Variants in PRR13 observed in about 807,000 individuals in gnomAD.
The protein encoded by PRR13 is proline rich 13.
PRR13 carries 7 observed loss-of-function variants against 11.5 expected under a neutral mutation model. The observed-to-expected ratio is 0.61, with a 90% CI of 0.34 to 1.14. The LOEUF is 1.14. Ranked by LOEUF, PRR13 falls within the 50% of genes most tolerant of loss-of-function variation. The probability of loss-of-function intolerance (pLI) is 0.03; values close to 1 mark genes in which losing one functional copy is unlikely to be tolerated. For missense variants in PRR13, 155 were observed against 194.4 expected, an observed-to-expected ratio of 0.80 and a Z score of 1.21; for synonymous variants, 53 against 67.8, an observed-to-expected ratio of 0.78 and a Z score of 1.07.
At position 53,441,784 on chromosome 12, in the gene PRR13, G is replaced by T. The variant is rs1940296786; in HGVS notation, c.-29G>T. 4 of 702,278 alleles carry T rather than the reference G, an allele frequency of 5.7e-6. No homozygotes were observed. Among genetic ancestry groups the T allele is most frequent in the South Asian group, 3.0e-5 (2 of 67,588 alleles). The allele number at this position is 702,278 out of a possible 1,614,324, so 43.5% of individuals were successfully genotyped here. ...GGAGAACGCAGCAAGCCCAGGCGGC[G>T]GTGGAAAGGTGATGGGGTATCTGGA... On this transcript the variant is annotated 5_prime_UTR_variant, in exon 1 of 4. Coordinates refer to ENST00000429243, the MANE Select transcript of PRR13 (RefSeq NM_018457.4).
chr12:53,445,939 GAA>G lies in PRR13; in HGVS notation c.403-75_403-74del, dbSNP rs1479035806. ...TTGGGTGGAGGGGTGGGGCACCAAAGAATGGCCCACGGAGTGATGAAAGGTCA... is the reference window on the plus strand; with the variant it reads ...TTGGGTGGAGGGGTGGGGCACCAAAGTGGCCCACGGAGTGATGAAAGGTCA... On this transcript the variant is annotated intron_variant, in intron 3 of 3. Coordinates refer to ENST00000429243, the MANE Select transcript of PRR13 (RefSeq NM_018457.4). 2.5e-6 allele frequency: 4 copies of G among 1,610,890 alleles called. No individual in the cohort carries two copies. The African/African-American group carries it at 5.3e-5, about 22-fold the overall frequency.
At chr12:53,442,816 A>C (rs1592616949) in intron 2 of PRR13, 83 bp downstream of exon 2, 1 of 1,444,088 alleles carries the variant, frequency 6.9e-7, no homozygotes, top group Non-Finnish European at 9.7e-7. Flanking sequence ...CAGCTCCCCT[A>C]CCCCCGACCT....
rs2293063 is a variant in PRR13, at chr12:53,446,593, T to C, written c.*534T>C. On this transcript the variant is annotated 3_prime_UTR_variant, in exon 4 of 4. Coordinates refer to ENST00000429243, the MANE Select transcript of PRR13 (RefSeq NM_018457.4). Reference sequence around the variant, plus strand: ...CTTACCTCTCCTCCTTAGCCCAATATGCTGTCTTGGGTCCTATTCAAATAA... The same window carrying C: ...CTTACCTCTCCTCCTTAGCCCAATACGCTGTCTTGGGTCCTATTCAAATAA... 1 of 157,952 alleles carries C rather than the reference T, an allele frequency of 6.3e-6. No homozygotes were observed. The highest frequency in any genetic ancestry group is 1.9e-4 in the East Asian group (1 of 5,280). The allele number at this position is 157,952 out of a possible 1,614,324, so 9.8% of individuals were successfully genotyped here.
chr12:53,444,833 G>A (rs1940370208), intron 3 of PRR13, among the ~76,000 whole-genome samples: 1 of 152,058 alleles, frequency 6.6e-6, no homozygotes, highest in Admixed American at 6.5e-5. Flanking sequence ...GGGAGGCAGA[G>A]ATGGCAGTGA....
intron 3 of PRR13, among the ~76,000 whole-genome samples, chr12:53,445,106 CTTTGGGA>C (rs1940376115): frequency 6.6e-6 from 1 of 152,072 alleles, no homozygotes; most frequent in South Asian, 2.1e-4. Context: ...AATCCCAGCA[CTTTGGGA>C]TTCCGGGGCG....
chr12:53,445,956 A>T, intron 3 of PRR13, 59 bp from the exon 4 acceptor site: 1 of 1,613,618 alleles, frequency 6.2e-7, no homozygotes, highest in African/African-American at 1.3e-5. Context: ...CCACGGAGTG[A>T]TGAAAGGTCA....
At chr12:53,444,457 G>A (rs1250120096) in intron 3 of PRR13, among the ~76,000 whole-genome samples, 2 of 151,848 alleles carry the variant, frequency 1.3e-5, no homozygotes, top group African/African-American at 4.8e-5. Context: ...AGCCTCCCGA[G>A]TAGCTGGGAC....
chr12:53,443,609 C>T lies in PRR13; in HGVS notation c.238C>T (p.Pro80Ser). 2 of 1,613,752 alleles carry T rather than the reference C, an allele frequency of 1.2e-6. No homozygotes were observed. Among genetic ancestry groups the T allele is most frequent in the South Asian group, 2.2e-5 (2 of 91,016 alleles). Residue 80 changes from proline to serine, a missense_variant, in exon 3 of 4, where the codon CCA becomes TCA. Coordinates refer to ENST00000429243, the MANE Select transcript of PRR13 (RefSeq NM_018457.4). Reference sequence around the variant, plus strand: ...CCAACCGTTGGGTCCCTACCCTCCTCCATACCCACCGCCTGCCCCTGGAAT... The same window carrying T: ...CCAACCGTTGGGTCCCTACCCTCCTTCATACCCACCGCCTGCCCCTGGAAT... ...GCQPLGPYPP[P>S]YPPPAPGIPP...
intron 2 of PRR13, 41 bp from the exon 3 acceptor site, chr12:53,443,350 T>C: frequency 7.4e-7 from 1 of 1,349,008 alleles, no homozygotes; most frequent in Non-Finnish European, 9.6e-7. Context: ...TGTTGGAGAC[T>C]CTGGGGAATT....
In PRR13 at chr12:53,442,835, C is replaced by T. The variant is rs1436310243; in HGVS notation, c.19+102C>T. 7.8e-6 allele frequency: 10 copies of T among 1,287,030 alleles called. No individual in the cohort carries two copies. The Admixed American group carries it at 1.3e-4, about 17-fold the overall frequency. 79.7% of individuals were successfully genotyped at this position (1,287,030 alleles called of 1,614,324 possible). A position where few individuals can be genotyped will look rare whatever the true frequency, so the allele number is the denominator to read the frequency against. ...TCCCCTACCCCCGACCTGCTGTACC[C>T]GCAAAAGCAAAGTCCTTAGTCTAGA... On this transcript the variant is annotated intron_variant, in intron 2 of 3. Coordinates refer to ENST00000429243, the MANE Select transcript of PRR13 (RefSeq NM_018457.4).
intron 3 of PRR13, 43 bp downstream of exon 3, chr12:53,443,816 C>T: frequency 6.4e-7 from 1 of 1,553,652 alleles, no homozygotes; most frequent in Non-Finnish European, 8.7e-7. Context: ...AGTCCCCCCT[C>T]AGAGGGACTA....
At chr12:53,442,820 C>G (rs1234213393) in intron 2 of PRR13, 87 bp downstream of exon 2, 33 of 1,426,856 alleles carry the variant, frequency 2.3e-5, no homozygotes, top group Non-Finnish European at 3.2e-5. Context: ...TCCCCTACCC[C>G]CGACCTGCTG....
intron 2 of PRR13, 199 bp from the exon 3 acceptor site, chr12:53,443,192 C>A: frequency 1.9e-6 from 1 of 526,348 alleles, no homozygotes; most frequent in Admixed American, 3.8e-5. Context: ...AGTTCACTGT[C>A]TCCCTCCTCT....
chr12:53,442,224 A>C (rs1393714931), intron 1 of PRR13: 1 of 244,824 alleles, frequency 4.1e-6, no homozygotes, highest in East Asian at 9.6e-5. Context: ...GCGAAGAAAC[A>C]AGTGGAAAGA....
Position 53,443,669 on chromosome 12 carries a change from G to A in PRR13, c.298G>A (p.Gly100Arg). ...PVNPLAPGMV[G>R]PAVIVDKKMQ... ...GAATCCCTTGGCTCCTGGCATGGTTGGACCAGCAGTGATAGTAGACAAGAA... is the reference window on the plus strand; with the variant it reads ...GAATCCCTTGGCTCCTGGCATGGTTAGACCAGCAGTGATAGTAGACAAGAA... Residue 100 changes from glycine (G) to arginine (R), a missense_variant, in exon 3 of 4, where the codon GGA (glycine) becomes AGA (arginine). Physicochemically the swap from Gly to Arg is moderately radical, Grantham distance 125. Coordinates refer to ENST00000429243, the MANE Select transcript of PRR13 (RefSeq NM_018457.4). The A allele has an allele frequency of 1.9e-6, 3 of 1,614,154 alleles. No homozygotes were observed. Among genetic ancestry groups the A allele is most frequent in the Non-Finnish European group, 2.5e-6 (3 of 1,180,034 alleles).
At position 53,444,471 on chromosome 12, in the gene PRR13, A is replaced by G. The variant is rs554741230; in HGVS notation, c.402+698A>G. On this transcript the variant is annotated intron_variant, in intron 3 of 3. Transcript: ENST00000429243. ...CAGCCTCCCGAGTAGCTGGGACTAC[A>G]GGCGCCCGCCACCGCGCCCGGCTAA... is the stretch of plus-strand genomic sequence containing the variant. Among the ~76,000 whole-genome samples the G allele has an allele frequency of 1.3e-4, 20 of 152,052 alleles. No individual in the cohort carries two copies. In the East Asian group the frequency reaches 3.9e-3, roughly 30 times the overall value.
At chr12:53,443,885 G>T (rs1038298437) in intron 3 of PRR13, 112 bp downstream of exon 3, 14 of 1,235,804 alleles carry the variant, frequency 1.1e-5, no homozygotes, top group East Asian at 5.1e-5. Context: ...GATGACAATT[G>T]TGTCGCTCTG....
rs1439448512 is a variant in PRR13 at position 53,441,764 on chromosome 12, A to G, written c.-49A>G. The G allele has an allele frequency of 5.7e-6, 4 of 702,092 alleles. No homozygotes were observed. The highest frequency in any genetic ancestry group is 1.5e-5 in the South Asian group (1 of 67,582). The allele number at this position is 702,092 out of a possible 1,614,324, so 43.5% of individuals were successfully genotyped here. ...GGAAGAGCCGAGACTGCGAAGGAGA[A>G]CGCAGCAAGCCCAGGCGGCGGTGGA... is the stretch of plus-strand genomic sequence containing the variant. On this transcript the variant is annotated 5_prime_UTR_variant, in exon 1 of 4. Coordinates refer to ENST00000429243, the MANE Select transcript of PRR13 (RefSeq NM_018457.4).
intron 2 of PRR13, chr12:53,443,090 C>T: frequency 2.6e-6 from 1 of 380,264 alleles, no homozygotes; most frequent in Non-Finnish European, 4.7e-6. Flanking sequence ...CTCATGGCCT[C>T]ATGAGATCTG....
Sources: allele counts gnomAD v4.1 joint callset (sites outside exome capture counted in the v4.1 genomes callset), GRCh38; gene constraint gnomAD v4.1.1; transcripts MANE v1.5; gene names NCBI Gene and HGNC (gene_info 2026-07-23, HGNC 2026-07-21).